The following RNF145 variants were observed in gnomAD, a reference collection of about 807,000 sequenced individuals.
The protein encoded by RNF145 is ring finger protein 145.
In RNF145, 12 loss-of-function variants were observed where a neutral mutation model predicts 57.3. The observed-to-expected ratio is 0.21, with a 90% CI of 0.13 to 0.34. The LOEUF is 0.34. Among genes scored for constraint, RNF145 ranks in the 10% least tolerant of loss-of-function variants. The pLI is 1.00. For missense variants in RNF145, 429 were observed against 799.0 expected, an observed-to-expected ratio of 0.54 and a Z score of 5.58; for synonymous variants, 262 against 288.3, an observed-to-expected ratio of 0.91 and a Z score of 0.92.
At chr5:159,207,886 AC>A in intron 1 of RNF145, 1 of 1,613,614 alleles carries the variant, frequency 6.2e-7, no homozygotes, top group Admixed American at 1.7e-5. Flanking sequence ...TAAAACTGCT[AC>A]CTCTGCCATC....
In RNF145 at chr5:159,182,144, C is replaced by G. The variant is rs188087583; in HGVS notation, c.294-93G>C. On this transcript the variant is annotated intron_variant, in intron 3 of 10. Transcript: ENST00000424310. ...AAAAGCATATTATGTTAATGATACCCCTTTCCATATCTAAGGAAAAATTTA... is the reference window on the plus strand; with the variant it reads ...AAAAGCATATTATGTTAATGATACCGCTTTCCATATCTAAGGAAAAATTTA... 58 of 677,366 alleles carry G rather than the reference C, an allele frequency of 8.6e-5. No homozygotes were observed. In the East Asian group the frequency reaches 1.5e-3, roughly 18 times the overall value. The allele number at this position is 677,366 out of a possible 1,614,324, so 42.0% of individuals were successfully genotyped here.
Position 159,161,625 on chromosome 5 carries a change from GAAAAAAA to G in RNF145, c.1270-10_1270-4del. ...TAAATAAAAAGTGTTCCCAGAACCT[GAAAAAAA>G]AAAAAAAATGTACGTATCTTGAAAT... On this transcript the variant is annotated splice_polypyrimidine_tract_variant and splice_region_variant and intron_variant, in intron 9 of 10. Coordinates refer to ENST00000424310, the MANE Select transcript of RNF145 (RefSeq NM_001199383.2). 2 of 1,310,958 alleles carry G rather than the reference GAAAAAAA, an allele frequency of 1.5e-6. No homozygotes were observed. The highest frequency in any genetic ancestry group is 2.2e-5 in the Admixed American group (1 of 45,116). The allele number at this position is 1,310,958 out of a possible 1,614,324, so 81.2% of individuals were successfully genotyped here.
Position 159,169,849 on chromosome 5 carries a change from C to A in RNF145, c.798-30G>T, listed in dbSNP as rs766515169. 11 of 1,564,496 alleles carry A rather than the reference C, an allele frequency of 7.0e-6. 1 individual carries two copies. The South Asian group carries it at 1.2e-4, about 17-fold the overall frequency. ...AAAAAAAGAGGGGGAAATTAACAGA[C>A]ATAAACTTTCCATTTGGAGTAAACA... On this transcript the variant is annotated intron_variant, in intron 6 of 10. Transcript: ENST00000424310.
chr5:159,158,681 C>T lies in RNF145; in HGVS notation c.1981G>A (p.Glu661Lys), dbSNP rs780065253. The T allele has an allele frequency of 6.2e-7, 1 of 1,613,730 alleles. No individual in the cohort carries two copies. ...CTGCTGCTTCTCCTCTAGGCTGATT[C>T]AACAGGATGTGCTTCATCTTTCGCA... is the stretch of plus-strand genomic sequence containing the variant. ...HSAKDEAHPVESA is the reference protein window; with the variant it reads ...HSAKDEAHPVKSA Residue 661 changes from glutamate (E) to lysine (K), a missense_variant, in exon 11 of 11, where the codon GAA (glutamate) becomes AAA (lysine). By Grantham distance (56) the Glu-to-Lys change is moderately conservative. This residue lies in a region of RNF145 where 102 missense variants were observed against 106.2 expected (regional missense o/e 0.96). Coordinates refer to ENST00000424310, the MANE Select transcript of RNF145 (RefSeq NM_001199383.2).
At chr5:159,175,344 T>C (rs137908672) in intron 5 of RNF145, among the ~76,000 whole-genome samples, 170 of 152,272 alleles carry the variant, frequency 1.1e-3, no homozygotes, top group African/African-American at 3.8e-3. Flanking sequence ...TATCTGATTC[T>C]TTCCTGGTCA....
chr5:159,177,865 A>G (rs1040714338), intron 4 of RNF145, among the ~76,000 whole-genome samples: 2 of 152,032 alleles, frequency 1.3e-5, no homozygotes, highest in African/African-American at 4.8e-5. Flanking sequence ...GGTTACTAAC[A>G]GCACTGAACA....
At chr5:159,205,843 T>C (rs1785861351) in intron 1 of RNF145, among the ~76,000 whole-genome samples, 2 of 152,324 alleles carry the variant, frequency 1.3e-5, no homozygotes, top group South Asian at 4.1e-4. Flanking sequence ...CTTTCTCTTT[T>C]TTCAATGCTT....
chr5:159,159,157 A>G, intron 10 of RNF145, 122 bp from the exon 11 acceptor site: 1 of 855,548 alleles, frequency 1.2e-6, no homozygotes, highest in East Asian at 2.6e-5. Context: ...CATAGATCTT[A>G]GAATAAAACT....
intron 9 of RNF145, 52 bp downstream of exon 9, chr5:159,162,880 G>C: frequency 2.0e-6 from 3 of 1,468,082 alleles, no homozygotes; most frequent in Non-Finnish European, 2.8e-6. Flanking sequence ...TCCTCTGGGA[G>C]GAAAAATAAC....
chr5:159,209,090 G>C (rs565914691), intron 1 of RNF145, 141 bp downstream of exon 1: 57 of 174,634 alleles, frequency 3.3e-4, no homozygotes, highest in African/African-American at 1.2e-3. Flanking sequence ...GGAGAAGAGG[G>C]AGGTGAAGCG....
At chr5:159,166,413 AG>A (rs1335365352) in intron 8 of RNF145, among the ~76,000 whole-genome samples, 1 of 152,200 alleles carries the variant, frequency 6.6e-6, no homozygotes, top group African/African-American at 2.4e-5. Context: ...AGTCAATCTC[AG>A]TCTTCCACAG....
intron 3 of RNF145, among the ~76,000 whole-genome samples, chr5:159,190,789 C>T (rs181174189): frequency 8.7e-4 from 132 of 151,160 alleles, no homozygotes; most frequent in Non-Finnish European, 8.3e-4. Flanking sequence ...ACAAATGTTA[C>T]ATATTCAAAC....
At chr5:159,160,508 T>C (rs566588584) in intron 10 of RNF145, among the ~76,000 whole-genome samples, 1 of 152,328 alleles carries the variant, frequency 6.6e-6, no homozygotes, top group African/African-American at 2.4e-5. Flanking sequence ...GCCTACACTC[T>C]TTGAGTGACT....
chr5:159,192,173 C>T (rs1486847958), intron 3 of RNF145, among the ~76,000 whole-genome samples: 1 of 151,920 alleles, frequency 6.6e-6, no homozygotes, highest in Non-Finnish European at 1.5e-5. Flanking sequence ...TTATAATAAT[C>T]CAGAGATGAA....
chr5:159,187,728 G>A (rs1257630704), intron 3 of RNF145, among the ~76,000 whole-genome samples: 1 of 152,186 alleles, frequency 6.6e-6, no homozygotes, highest in African/African-American at 2.4e-5. Context: ...TGGGAAGAGG[G>A]TATCACTGGG....
At chr5:159,186,109 C>T (rs1385064321) in intron 3 of RNF145, among the ~76,000 whole-genome samples, 1 of 152,066 alleles carries the variant, frequency 6.6e-6, no homozygotes, top group Non-Finnish European at 1.5e-5. Context: ...CCTATAGTCC[C>T]GGCTACTTGG....
chr5:159,190,189 A>G (rs1309842705), intron 3 of RNF145, among the ~76,000 whole-genome samples: 1 of 152,078 alleles, frequency 6.6e-6, no homozygotes, highest in Non-Finnish European at 1.5e-5. Flanking sequence ...CTAAAAGTGC[A>G]TGCCACCACA....
At chr5:159,196,944 A>C (rs760690523) in intron 2 of RNF145, among the ~76,000 whole-genome samples, 2 of 152,210 alleles carry the variant, frequency 1.3e-5, no homozygotes, top group African/African-American at 4.8e-5. Context: ...CTTCTAGATC[A>C]AACATATTCA....
intron 10 of RNF145, among the ~76,000 whole-genome samples, chr5:159,159,601 A>G (rs557170960): frequency 6.6e-6 from 1 of 152,306 alleles, no homozygotes; most frequent in South Asian, 2.1e-4. Context: ...CAACTTGCAT[A>G]AGAACCACTT....
Sources: gnomAD v4.1 joint callset for allele counts (sites outside exome capture counted in the v4.1 genomes callset) on GRCh38, gnomAD v4.1.1 for gene constraint, gnomAD v4.1.1 regional missense constraint, MANE v1.5 for transcripts, NCBI Gene and HGNC (gene_info 2026-07-23, HGNC 2026-07-21) for gene names.